The following PLCB1 variants were observed in gnomAD, a reference collection of about 807,000 sequenced individuals.
PLCB1 encodes the protein 1-phosphatidylinositol 4,5-bisphosphate phosphodiesterase beta-1.
PLCB1 carries 46 observed loss-of-function variants against 161.8 expected under a neutral mutation model. The ratio of observed to expected loss-of-function variants is 0.28; its 90% CI spans 0.22 to 0.36. The LOEUF (loss-of-function observed/expected upper bound fraction) is 0.36, where lower values mean the gene tolerates loss of function less well. Ranked by LOEUF, PLCB1 falls within the 10% of genes least tolerant of loss-of-function variation. The pLI is 1.00. For synonymous variants in PLCB1, 517 were observed against 503.7 expected, an observed-to-expected ratio of 1.03 and a Z score of -0.35; for missense variants, 1,016 against 1,472.5, an observed-to-expected ratio of 0.69 and a Z score of 5.07.
chr20:8,729,322 TAAA>T (rs2123491906), intron 18 of PLCB1, 148 bp downstream of exon 18: 1 of 542,832 alleles, frequency 1.8e-6, no homozygotes, highest in East Asian at 3.3e-5. Context: ...TATCAATGCA[TAAA>T]AAAAGTGAAT....
intron 2 of PLCB1, among the ~76,000 whole-genome samples, chr20:8,250,410 T>C (rs963547854): frequency 6.6e-6 from 1 of 151,964 alleles, no homozygotes; most frequent in Admixed American, 6.6e-5. Context: ...GCATCTATTT[T>C]ACTTTATTAT....
At chr20:8,365,649 T>G (rs1229724564) in intron 2 of PLCB1, among the ~76,000 whole-genome samples, 1 of 152,228 alleles carries the variant, frequency 6.6e-6, no homozygotes, top group East Asian at 1.9e-4. Context: ...AATCATTTTT[T>G]TAAAAAAATT....
chr20:8,761,577 G>A (rs1041241956), intron 25 of PLCB1, among the ~76,000 whole-genome samples: 1 of 152,110 alleles, frequency 6.6e-6, no homozygotes, highest in African/African-American at 2.4e-5. Context: ...GGAACACAGT[G>A]GTACAATCTC....
intron 31 of PLCB1, among the ~76,000 whole-genome samples, chr20:8,822,814 A>C (rs542997843): frequency 1.3e-5 from 2 of 152,308 alleles, no homozygotes; most frequent in South Asian, 2.1e-4. Flanking sequence ...AATAAAATTA[A>C]GATGTGAGTA....
chr20:8,298,592 C>CT (rs1236627808), intron 2 of PLCB1, among the ~76,000 whole-genome samples: 174 of 134,170 alleles, frequency 1.3e-3, no homozygotes, highest in Middle Eastern at 3.9e-3. Context: ...GGAATTGGGG[C>CT]TTTTTTTTTT....
intron 23 of PLCB1, among the ~76,000 whole-genome samples, chr20:8,742,609 A>G (rs183672449): frequency 6.6e-6 from 1 of 152,312 alleles, no homozygotes; most frequent in East Asian, 1.9e-4. Context: ...TTTTATGCAC[A>G]ATTGTTACTC....
chr20:8,564,779 A>T (rs1257424946), intron 3 of PLCB1, among the ~76,000 whole-genome samples: 1 of 152,250 alleles, frequency 6.6e-6, no homozygotes, highest in Non-Finnish European at 1.5e-5. Flanking sequence ...AATAAAAACC[A>T]CAATGAGATA....
chr20:8,280,764 T>C (rs531465068), intron 2 of PLCB1, among the ~76,000 whole-genome samples: 2 of 152,328 alleles, frequency 1.3e-5, no homozygotes, highest in African/African-American at 4.8e-5. Flanking sequence ...AAGGAAAATA[T>C]AAAGGAGGAT....
chr20:8,291,747 A>G (rs1983391514), intron 2 of PLCB1, among the ~76,000 whole-genome samples: 1 of 152,144 alleles, frequency 6.6e-6, no homozygotes, highest in South Asian at 2.1e-4. Flanking sequence ...TAACTTCACC[A>G]TGGTGTAGGT....
At chr20:8,343,046 C>G (rs1985870663) in intron 2 of PLCB1, among the ~76,000 whole-genome samples, 1 of 152,188 alleles carries the variant, frequency 6.6e-6, no homozygotes, top group Non-Finnish European at 1.5e-5. Context: ...AAACATTCCT[C>G]CAGTCTGCAC....
At chr20:8,676,398 A>G (rs1017108978) in intron 9 of PLCB1, among the ~76,000 whole-genome samples, 3 of 150,356 alleles carry the variant, frequency 2.0e-5, no homozygotes, top group African/African-American at 7.4e-5. Context: ...AGAGACAAAG[A>G]AAGAAAGAAA....
At chr20:8,848,708 T>G (rs1017137445) in intron 31 of PLCB1, among the ~76,000 whole-genome samples, 2 of 152,204 alleles carry the variant, frequency 1.3e-5, no homozygotes, top group African/African-American at 4.8e-5. Context: ...TGGGGGGCCA[T>G]GAGGGCCCAA....
At chr20:8,306,468 G>A (rs774325575) in intron 2 of PLCB1, 2 of 152,192 alleles carry the variant, frequency 1.3e-5, no homozygotes, top group African/African-American at 4.8e-5. Context: ...TTAAGTTTTG[G>A]ATTGACTCCT....
rs924487444 is a variant in PLCB1, at chr20:8,813,845, T to C, written c.3423+23584T>C. ...TCTGTTTTAAATAAATAAATAAATA[T>C]TAATGAATAAAATCAAATATTCCTA... On this transcript the variant is annotated intron_variant, in intron 31 of 31. Coordinates refer to ENST00000338037, the MANE Select transcript of PLCB1 (RefSeq NM_015192.4). Among the ~76,000 whole-genome samples, 5 of 152,138 alleles carry C rather than the reference T, an allele frequency of 3.3e-5. No homozygotes were observed. The East Asian group carries it at 5.8e-4, about 18-fold the overall frequency.
intron 31 of PLCB1, among the ~76,000 whole-genome samples, chr20:8,843,469 A>G (rs1177260854): frequency 6.6e-6 from 1 of 152,192 alleles, no homozygotes; most frequent in Non-Finnish European, 1.5e-5. Flanking sequence ...CAGTAATTTG[A>G]TGCAGTGGTA....
chr20:8,773,563 C>T (rs370072307), intron 26 of PLCB1, among the ~76,000 whole-genome samples: 27 of 152,214 alleles, frequency 1.8e-4, no homozygotes, highest in Non-Finnish European at 3.5e-4. Flanking sequence ...AATGAACTAA[C>T]GCATCTCTTT....
At chr20:8,220,040 C>G (rs1361293179) in intron 2 of PLCB1, among the ~76,000 whole-genome samples, 1 of 151,934 alleles carries the variant, frequency 6.6e-6, no homozygotes, top group African/African-American at 2.4e-5. Flanking sequence ...AATGAATGAG[C>G]CCTTATTTGT....
intron 31 of PLCB1, among the ~76,000 whole-genome samples, chr20:8,791,670 T>C (rs778077850): frequency 1.3e-5 from 2 of 151,928 alleles, no homozygotes; most frequent in African/African-American, 4.8e-5. Flanking sequence ...GTGTTTTGGT[T>C]CAACAATGTT....
chr20:8,165,217 A>G (rs1185668259), intron 2 of PLCB1, among the ~76,000 whole-genome samples: 2 of 152,258 alleles, frequency 1.3e-5, no homozygotes, highest in Admixed American at 6.5e-5. Flanking sequence ...TACAGAGAAT[A>G]TAAGTTTTTG....
Sources: gnomAD v4.1 joint callset for allele counts (sites outside exome capture counted in the v4.1 genomes callset) on GRCh38, gnomAD v4.1.1 for gene constraint, MANE v1.5 for transcripts, NCBI Gene and HGNC (gene_info 2026-07-23, HGNC 2026-07-21) for gene names.